The following CFAP77 variants were observed in gnomAD, a reference collection of about 807,000 sequenced individuals.
CFAP77 encodes the protein cilia and flagella associated protein 77, also known as cilia- and flagella-associated protein 77.
A neutral mutation model predicts 31.1 loss-of-function variants in CFAP77; 25 were observed. The observed-to-expected ratio is 0.80, with a 90% confidence interval of 0.59 to 1.12. The LOEUF (loss-of-function observed/expected upper bound fraction) is 1.12, where lower values mean the gene tolerates loss of function less well. CFAP77 is among the 50% of genes most tolerant of loss of function. The pLI is 0.00. For missense variants in CFAP77, 377 were observed against 397.3 expected (o/e 0.95, Z 0.44); for synonymous variants, 151 against 159.9 (o/e 0.94, Z 0.42).
At chr9:132,467,943 C>T (rs945627775) in intron 1 of CFAP77, among the ~76,000 whole-genome samples, 2 of 151,932 alleles carry the variant, frequency 1.3e-5, no homozygotes, top group Admixed American at 6.6e-5. Flanking sequence ...CTTGTCAAAG[C>T]TCTGTTCATG....
chr9:132,463,637 C>T (rs1366448233), intron 1 of CFAP77, among the ~76,000 whole-genome samples: 3 of 152,150 alleles, frequency 2.0e-5, no homozygotes, highest in Non-Finnish European at 2.9e-5. Flanking sequence ...GGGCTAATGA[C>T]GCTAAGGGGG....
chr9:132,444,264 C>G lies in CFAP77; in HGVS notation c.195+33798C>G, dbSNP rs549102895. On this transcript the variant is annotated intron_variant, in intron 1 of 5. Coordinates refer to ENST00000393216, the MANE Select transcript of CFAP77 (RefSeq NM_001282957.2). ...GCTAAGGCGCTCAGATGGGGTTTTC[C>G]AGCCAAGCAAACCTAGAGCCACCTG... Among the ~76,000 whole-genome samples, 8 of 152,356 alleles carry G rather than the reference C, an allele frequency of 5.3e-5. No homozygotes were observed. In the East Asian group the frequency reaches 1.5e-3, roughly 29 times the overall value.
intron 1 of CFAP77, among the ~76,000 whole-genome samples, chr9:132,483,148 G>A (rs892543310): frequency 6.6e-6 from 1 of 152,000 alleles, no homozygotes; most frequent in African/African-American, 2.4e-5. Context: ...GTGCGTGCCT[G>A]TAATCCCAGC....
At chr9:132,459,420 GGTGTGT>G (rs112825234) in intron 1 of CFAP77, among the ~76,000 whole-genome samples, 3,955 of 143,942 alleles carry the variant, frequency 0.027, 166 homozygotes, top group African/African-American at 0.095. Flanking sequence ...GGATGAATAG[GGTGTGT>G]GTGTGTGTGT....
intron 1 of CFAP77, among the ~76,000 whole-genome samples, chr9:132,419,113 G>A (rs991972180): frequency 1.3e-5 from 2 of 152,202 alleles, no homozygotes; most frequent in African/African-American, 2.4e-5. Flanking sequence ...ACAGGAGGGA[G>A]AATGGCCACC....
Position 132,565,128 on chromosome 9 carries a change from G to C in CFAP77, c.733-7260G>C, listed in dbSNP as rs772786784. On this transcript the variant is annotated intron_variant, in intron 5 of 5. Transcript: ENST00000393216. The surrounding 1 kb of genome is among the most constrained non-coding windows in gnomAD (Gnocchi z 4.1). ...CTATGATTCCTAGGCAGATGGAGTAGAAATCTCTTCTAGGATCTAGTAGCT... is the reference window on the plus strand; with the variant it reads ...CTATGATTCCTAGGCAGATGGAGTACAAATCTCTTCTAGGATCTAGTAGCT... 1.3e-5 allele frequency among the ~76,000 whole-genome samples: 2 copies of C among 151,572 alleles called. No homozygotes were observed. The highest frequency in any genetic ancestry group is 2.4e-5 in the African/African-American group (1 of 41,210).
At chr9:132,516,119 G>A (rs1852142415) in intron 3 of CFAP77, among the ~76,000 whole-genome samples, 1 of 152,174 alleles carries the variant, frequency 6.6e-6, no homozygotes, top group Admixed American at 6.5e-5. Context: ...TGGACACATA[G>A]GAATGTGTAC....
chr9:132,444,727 A>C (rs1343472283), intron 1 of CFAP77, among the ~76,000 whole-genome samples: 2 of 152,072 alleles, frequency 1.3e-5, no homozygotes, highest in Non-Finnish European at 2.9e-5. Flanking sequence ...TTTTCTTTAA[A>C]ATTTTTTAAA....
At chr9:132,450,724 A>C (rs1222643535) in intron 1 of CFAP77, among the ~76,000 whole-genome samples, 1 of 152,196 alleles carries the variant, frequency 6.6e-6, no homozygotes, top group African/African-American at 2.4e-5. Context: ...ATGCCTTTAA[A>C]GATGTTAAGT....
intron 1 of CFAP77, among the ~76,000 whole-genome samples, chr9:132,462,689 G>A (rs1173593420): frequency 1.3e-5 from 2 of 152,076 alleles, no homozygotes; most frequent in Admixed American, 1.3e-4. Context: ...GGTGGTGGGC[G>A]CCTGTAATCC....
chr9:132,491,739 T>A (rs965795227), intron 1 of CFAP77, among the ~76,000 whole-genome samples: 1 of 152,224 alleles, frequency 6.6e-6, no homozygotes, highest in Non-Finnish European at 1.5e-5. Context: ...TATGGATAAC[T>A]CACATTTACA....
chr9:132,426,722 A>G (rs1850323847), intron 1 of CFAP77, among the ~76,000 whole-genome samples: 1 of 152,206 alleles, frequency 6.6e-6, no homozygotes, highest in Non-Finnish European at 1.5e-5. Context: ...CTGTTTGCCT[A>G]AGAAAGAAGA....
rs937639933 is a variant in CFAP77, at chr9:132,564,377, C to T, written c.733-8011C>T. Among the ~76,000 whole-genome samples, 1 of 152,172 alleles carries T rather than the reference C, an allele frequency of 6.6e-6. No homozygotes were observed. The highest frequency in any genetic ancestry group is 2.4e-5 in the African/African-American group (1 of 41,430). On this transcript the variant is annotated intron_variant, in intron 5 of 5. Coordinates refer to ENST00000393216, the MANE Select transcript of CFAP77 (RefSeq NM_001282957.2). The surrounding 1 kb of genome is among the most constrained non-coding windows in gnomAD (Gnocchi z 4.6). ...AAAACCTCAATAAATACCAAAAGGT[C>T]TGACTTGTGAGGATTACTTCAGCAC... is the stretch of plus-strand genomic sequence containing the variant.
chr9:132,567,917 G>A (rs1473054018), intron 5 of CFAP77, among the ~76,000 whole-genome samples: 1 of 152,156 alleles, frequency 6.6e-6, no homozygotes, highest in African/African-American at 2.4e-5. Flanking sequence ...GAATAATCTA[G>A]GATGATTTCA....
chr9:132,558,479 A>C (rs1852938505), intron 5 of CFAP77, among the ~76,000 whole-genome samples: 1 of 150,908 alleles, frequency 6.6e-6, no homozygotes, highest in Non-Finnish European at 1.5e-5. Context: ...CAGAGGCGGG[A>C]GGATCACCTG....
At chr9:132,513,363 ATCCTT>A (rs1271137928) in intron 3 of CFAP77, 1 of 1,536,502 alleles carries the variant, frequency 6.5e-7, no homozygotes, top group Non-Finnish European at 8.8e-7. Flanking sequence ...TTCGCTTCTG[ATCCTT>A]TCCTTTAATA....
intron 3 of CFAP77, chr9:132,513,318 C>T: frequency 6.5e-7 from 1 of 1,548,798 alleles, no homozygotes; most frequent in South Asian, 1.2e-5. Flanking sequence ...CGTGAACCCA[C>T]TACCTGGATT....
intron 5 of CFAP77, among the ~76,000 whole-genome samples, chr9:132,551,310 T>A (rs1433003767): frequency 6.6e-6 from 1 of 151,248 alleles, no homozygotes; most frequent in Non-Finnish European, 1.5e-5. Context: ...CTGTATTTTA[T>A]TTTTTTAAGA....
At chr9:132,474,058 C>T (rs767471016) in intron 1 of CFAP77, among the ~76,000 whole-genome samples, 6 of 152,148 alleles carry the variant, frequency 3.9e-5, no homozygotes, top group Non-Finnish European at 5.9e-5. Context: ...GTCTATTTGC[C>T]GGCCCTAGAG....
Sources: gnomAD v4.1 joint callset for allele counts (sites outside exome capture counted in the v4.1 genomes callset) on GRCh38, gnomAD v4.1.1 for gene constraint, Gnocchi (gnomAD v3.1) non-coding constraint, MANE v1.5 for transcripts, NCBI Gene and HGNC (gene_info 2026-07-23, HGNC 2026-07-21) for gene names.